The following TMEM117 variants were observed in gnomAD, a reference collection of about 807,000 sequenced individuals.
TMEM117 encodes transmembrane protein 117.
Under a neutral mutation model 52.4 loss-of-function variants are expected in TMEM117, and 27 were observed. The ratio of observed to expected loss-of-function variants is 0.51; its 90% CI spans 0.38 to 0.71. The LOEUF is 0.71. Ranked by LOEUF, TMEM117 falls within the 30% of genes least tolerant of loss-of-function variation. The pLI is 0.00. For missense variants in TMEM117, 556 were observed against 630.5 expected, an observed-to-expected ratio of 0.88 and a Z score of 1.26; for synonymous variants, 215 against 206.3, an observed-to-expected ratio of 1.04 and a Z score of -0.36.
At chr12:44,355,736 A>T (rs1481044433) in intron 6 of TMEM117, among the ~76,000 whole-genome samples, 1 of 151,866 alleles carries the variant, frequency 6.6e-6, no homozygotes, top group Non-Finnish European at 1.5e-5. Context: ...AACACTGAAG[A>T]CTCCTGCTTT....
chr12:43,876,983 T>G (rs1215588988), intron 2 of TMEM117, among the ~76,000 whole-genome samples: 1 of 152,204 alleles, frequency 6.6e-6, no homozygotes, highest in African/African-American at 2.4e-5. Flanking sequence ...TAATGTGTAA[T>G]GTATAGTATA....
At chr12:44,034,062 G>T (rs1946674587) in intron 3 of TMEM117, among the ~76,000 whole-genome samples, 1 of 152,168 alleles carries the variant, frequency 6.6e-6, no homozygotes. Flanking sequence ...TGTTAATTTT[G>T]TAGAGCATTT....
chr12:44,345,381 G>A (rs1242180221), intron 6 of TMEM117, among the ~76,000 whole-genome samples: 1 of 152,114 alleles, frequency 6.6e-6, no homozygotes, highest in Non-Finnish European at 1.5e-5. Context: ...GTCTGACACA[G>A]ATTCAATTTC....
At chr12:43,852,034 C>T (rs549402099) in intron 2 of TMEM117, among the ~76,000 whole-genome samples, 4 of 151,018 alleles carry the variant, frequency 2.6e-5, no homozygotes, top group African/African-American at 9.6e-5. Flanking sequence ...CGCGGTGGCT[C>T]ACGTCTGTAA....
intron 1 of TMEM117, among the ~76,000 whole-genome samples, chr12:43,838,625 A>G (rs771991001): frequency 2.1e-5 from 3 of 143,826 alleles, no homozygotes; most frequent in Non-Finnish European, 4.5e-5. Context: ...CCATCAGCAA[A>G]TATCTATAGA....
chr12:43,871,587 A>G (rs1943705874), intron 2 of TMEM117, among the ~76,000 whole-genome samples: 1 of 152,176 alleles, frequency 6.6e-6, no homozygotes, highest in East Asian at 1.9e-4. Flanking sequence ...TCTGAATAAA[A>G]TATCTATCTT....
At chr12:44,171,125 C>G (rs1357393532) in intron 4 of TMEM117, among the ~76,000 whole-genome samples, 1 of 150,974 alleles carries the variant, frequency 6.6e-6, no homozygotes, top group Admixed American at 6.6e-5. Context: ...ACGCCATTCT[C>G]CTGCCTCAGC....
Position 44,133,751 on chromosome 12 carries a change from G to T in TMEM117, c.411-9774G>T, listed in dbSNP as rs1464983527. Among the ~76,000 whole-genome samples, 3 of 152,140 alleles carry T rather than the reference G, an allele frequency of 2.0e-5. No individual in the cohort carries two copies. The East Asian group carries it at 5.8e-4, about 29-fold the overall frequency. On this transcript the variant is annotated intron_variant, in intron 3 of 7. Coordinates refer to ENST00000266534, the MANE Select transcript of TMEM117 (RefSeq NM_032256.3). ...TGGGCTTTAGAGCTCTTCGTGGAAG[G>T]TCCAAGTTCAGGTATGGCCAAGCAC...
chr12:43,802,499 G>A, the TMEM117 span: 1 of 1,486,372 alleles, frequency 6.7e-7, no homozygotes, highest in Non-Finnish European at 9.3e-7. Flanking sequence ...ATAGGTAAAT[G>A]GTTTGAGATA....
At chr12:44,334,401 G>A (rs968514422) in intron 6 of TMEM117, among the ~76,000 whole-genome samples, 1 of 151,952 alleles carries the variant, frequency 6.6e-6, no homozygotes, top group African/African-American at 2.4e-5. Flanking sequence ...TGACTTAATG[G>A]AAAAGCTACC....
intron 3 of TMEM117, among the ~76,000 whole-genome samples, chr12:44,078,926 T>C (rs994982515): frequency 2.1e-5 from 3 of 142,344 alleles, no homozygotes; most frequent in Admixed American, 7.2e-5. Flanking sequence ...TGTATTCTCA[T>C]TGTTCAACTC....
At chr12:44,343,794 G>A (rs1410759132) in intron 6 of TMEM117, among the ~76,000 whole-genome samples, 2 of 152,096 alleles carry the variant, frequency 1.3e-5, no homozygotes, top group Non-Finnish European at 2.9e-5. Context: ...GAATATTACA[G>A]TGACTGAACT....
intron 1 of TMEM117, among the ~76,000 whole-genome samples, chr12:43,841,702 G>A (rs1053762465): frequency 6.6e-5 from 10 of 152,290 alleles, no homozygotes; most frequent in East Asian, 3.9e-4. Flanking sequence ...TGATCTGGCC[G>A]TCTGCAGGAA....
chr12:44,089,857 CA>C (rs886827250), intron 3 of TMEM117, among the ~76,000 whole-genome samples: 12 of 152,208 alleles, frequency 7.9e-5, no homozygotes, highest in African/African-American at 2.4e-4. Context: ...TAAAAACAGC[CA>C]TAGACAATTC....
At chr12:43,921,047 C>G (rs1260036636) in intron 2 of TMEM117, among the ~76,000 whole-genome samples, 1 of 152,058 alleles carries the variant, frequency 6.6e-6, no homozygotes, top group Non-Finnish European at 1.5e-5. Flanking sequence ...GTCTACCCTT[C>G]TGTGTTTCCT....
chr12:44,237,813 A>AT (rs1296226423), intron 5 of TMEM117, among the ~76,000 whole-genome samples: 2 of 152,198 alleles, frequency 1.3e-5, no homozygotes, highest in South Asian at 4.1e-4. Flanking sequence ...TATTAGATAC[A>AT]TATCTGTTGA....
At chr12:43,838,447 A>T (rs1193364309) in intron 1 of TMEM117, among the ~76,000 whole-genome samples, 1 of 146,096 alleles carries the variant, frequency 6.8e-6, no homozygotes, top group African/African-American at 2.5e-5. Flanking sequence ...CATTCCATAT[A>T]TTTGGTTTTT....
chr12:44,353,327 T>C (rs1951594376), intron 6 of TMEM117, among the ~76,000 whole-genome samples: 2 of 152,192 alleles, frequency 1.3e-5, no homozygotes, highest in Non-Finnish European at 2.9e-5. Flanking sequence ...AATTTTGTCT[T>C]TGGTTGCCAT....
chr12:43,854,873 G>A (rs1196291132), intron 2 of TMEM117, among the ~76,000 whole-genome samples: 1 of 152,104 alleles, frequency 6.6e-6, no homozygotes, highest in Non-Finnish European at 1.5e-5. Flanking sequence ...CTGACTTCAG[G>A]TGATCTGCCT....
Sources: allele counts gnomAD v4.1 joint callset (sites outside exome capture counted in the v4.1 genomes callset), GRCh38; gene constraint gnomAD v4.1.1; transcripts MANE v1.5; gene names NCBI Gene and HGNC (gene_info 2026-07-23, HGNC 2026-07-21).